ORC4: variants seen among roughly 807,000 people sequenced by gnomAD.
ORC4 encodes the protein origin recognition complex, subunit 4 homolog.
A neutral mutation model predicts 63.9 loss-of-function variants in ORC4; 55 were observed. The ratio of observed to expected loss-of-function variants is 0.86; its 90% CI spans 0.69 to 1.08. ORC4 has a LOEUF of 1.08. Among genes scored for constraint, ORC4 ranks in the 50% least tolerant of loss-of-function variants. The pLI, the probability that ORC4 is intolerant of heterozygous loss-of-function variation, is 0.00. For missense variants in ORC4, 511 were observed against 504.4 expected, an observed-to-expected ratio of 1.01 and a Z score of -0.13; for synonymous variants, 150 against 168.5, an observed-to-expected ratio of 0.89 and a Z score of 0.85.
At chr2:147,973,323 A>T in intron 3 of ORC4, 125 bp downstream of exon 3, 1 of 702,428 alleles carries the variant, frequency 1.4e-6, no homozygotes, top group East Asian at 2.7e-5. Flanking sequence ...ACAAAGCAAA[A>T]TTTTTTATTT....
intron 11 of ORC4, 198 bp from the exon 12 acceptor site, chr2:147,938,591 A>G (rs1278684019): frequency 3.7e-6 from 2 of 540,268 alleles, no homozygotes; most frequent in African/African-American, 3.8e-5. Context: ...TTTTTTTCCT[A>G]TCTGCAAAAT....
chr2:147,992,930 A>G (rs1392524160), intron 1 of ORC4, among the ~76,000 whole-genome samples: 1 of 152,186 alleles, frequency 6.6e-6, no homozygotes, highest in Non-Finnish European at 1.5e-5. Flanking sequence ...CTTTCTGTGT[A>G]AAAACTAACT....
At chr2:148,005,585 A>G (rs1041808825) in intron 1 of ORC4, among the ~76,000 whole-genome samples, 2 of 151,452 alleles carry the variant, frequency 1.3e-5, no homozygotes, top group Non-Finnish European at 2.9e-5. Context: ...AGGAGGCAGA[A>G]CAAGATTGCT....
At chr2:147,939,269 A>C (rs752826002) in intron 10 of ORC4, 21 bp from the exon 11 acceptor site, 9 of 1,497,368 alleles carry the variant, frequency 6.0e-6, no homozygotes, top group Non-Finnish European at 8.4e-6. Context: ...ACAGATCAGA[A>C]AAACAATTAC....
At chr2:147,978,312 T>C (rs1223902838) in intron 1 of ORC4, among the ~76,000 whole-genome samples, 11 of 152,180 alleles carry the variant, frequency 7.2e-5, no homozygotes, top group Admixed American at 4.6e-4. Context: ...GAATCCCCGA[T>C]TCAGAGCTTT....
chr2:147,968,333 ACAAT>A (rs1462462183), intron 4 of ORC4, among the ~76,000 whole-genome samples: 1 of 152,158 alleles, frequency 6.6e-6, no homozygotes, highest in South Asian at 2.1e-4. Context: ...AGCAAGGGAA[ACAAT>A]CAACAGCATG....
intron 13 of ORC4, chr2:147,936,715 C>T (rs191711368): frequency 6.6e-6 from 1 of 152,260 alleles, no homozygotes; most frequent in East Asian, 1.9e-4. Flanking sequence ...TGAGCAGCTA[C>T]AAATTATTGA....
At chr2:147,951,521 C>G (rs1253024527) in intron 8 of ORC4, 1 of 152,130 alleles carries the variant, frequency 6.6e-6, no homozygotes, top group Non-Finnish European at 1.5e-5. Flanking sequence ...GTTCCAACTC[C>G]TATCTGGTTC....
At chr2:148,008,345 CCTT>C (rs1435441023) in intron 1 of ORC4, among the ~76,000 whole-genome samples, 3 of 152,106 alleles carry the variant, frequency 2.0e-5, no homozygotes, top group Non-Finnish European at 4.4e-5. Context: ...ATCTAGAGAA[CCTT>C]CTTCTTTTAG....
At chr2:147,947,873 T>A in intron 9 of ORC4, 178 bp downstream of exon 9, 1 of 529,514 alleles carries the variant, frequency 1.9e-6, no homozygotes, top group Non-Finnish European at 3.4e-6. Flanking sequence ...TTAGGAGAAA[T>A]GACATTTCAA....
chr2:148,001,774 G>A (rs1274839171), intron 1 of ORC4, among the ~76,000 whole-genome samples: 2 of 152,118 alleles, frequency 1.3e-5, no homozygotes, highest in African/African-American at 4.8e-5. Context: ...AACCTTAAAT[G>A]TAAATGGGCT....
chr2:147,994,693 A>G (rs1691830915), intron 1 of ORC4, among the ~76,000 whole-genome samples: 1 of 152,230 alleles, frequency 6.6e-6, no homozygotes, highest in Non-Finnish European at 1.5e-5. Context: ...AAATCTAAAA[A>G]TGGATCACAG....
intron 1 of ORC4, among the ~76,000 whole-genome samples, chr2:148,015,377 C>T (rs1386235783): frequency 4.9e-5 from 7 of 142,290 alleles, no homozygotes; most frequent in South Asian, 4.4e-4. Context: ...TGCAGTGGCG[C>T]GATCTCGGCT....
chr2:147,944,814 T>C (rs764199580), intron 9 of ORC4, among the ~76,000 whole-genome samples: 1 of 151,992 alleles, frequency 6.6e-6, no homozygotes, highest in African/African-American at 2.4e-5. Flanking sequence ...TCTAGTCTAC[T>C]GGAATAAAAT....
rs1687988862 is a variant in ORC4, at chr2:147,935,299, T to C, written c.*211A>G. 1.7e-6 allele frequency: 1 copy of C among 577,172 alleles called. No individual in the cohort carries two copies. Among genetic ancestry groups the C allele is most frequent in the Non-Finnish European group, 3.1e-6 (1 of 321,584 alleles). The allele number at this position is 577,172 out of a possible 1,614,324, so 35.8% of individuals were successfully genotyped here. ...GTCATATTTTATTCTTCTGAACAGC[T>C]ACTTACAAAGTAATCTCAATCAGTG... On this transcript the variant is annotated 3_prime_UTR_variant, in exon 14 of 14. Transcript: ENST00000392857.
At chr2:147,981,804 C>T (rs955158085) in intron 1 of ORC4, 3 of 152,020 alleles carry the variant, frequency 2.0e-5, no homozygotes, top group African/African-American at 4.8e-5. Flanking sequence ...GAAATTGTTA[C>T]GTATTTAGCA....
intron 6 of ORC4, among the ~76,000 whole-genome samples, chr2:147,957,159 A>G (rs932720993): frequency 4.7e-5 from 7 of 147,604 alleles, no homozygotes; most frequent in African/African-American, 1.7e-4. Context: ...AATAAACTAT[A>G]ATTATATATA....
intron 1 of ORC4, among the ~76,000 whole-genome samples, chr2:147,978,167 A>G (rs930930819): frequency 1.3e-5 from 2 of 152,228 alleles, no homozygotes; most frequent in African/African-American, 4.8e-5. Flanking sequence ...GCTTATGCCA[A>G]GATTCAGGGT....
intron 4 of ORC4, chr2:147,960,363 G>A (rs1269418771): frequency 2.1e-6 from 2 of 972,332 alleles, no homozygotes; most frequent in Non-Finnish European, 2.4e-6. Context: ...TTCTAATCTG[G>A]GTATTGCTAA....
Sources: gnomAD v4.1 joint callset for allele counts (sites outside exome capture counted in the v4.1 genomes callset) on GRCh38, gnomAD v4.1.1 for gene constraint, MANE v1.5 for transcripts, NCBI Gene and HGNC (gene_info 2026-07-23, HGNC 2026-07-21) for gene names.